PKP2: variants seen among roughly 807,000 people sequenced by gnomAD.
PKP2 encodes plakophilin-2.
Under a neutral mutation model 83.4 loss-of-function variants are expected in PKP2, and 73 were observed. The ratio of observed to expected loss-of-function variants is 0.88; its 90% CI spans 0.72 to 1.06. The LOEUF (loss-of-function observed/expected upper bound fraction) is 1.06. Ranked by LOEUF, PKP2 falls within the 50% of genes least tolerant of loss-of-function variation. The pLI is 0.00. For missense variants in PKP2, 966 were observed against 1,065.4 expected (o/e 0.91, Z 1.30); for synonymous variants, 409 against 430.4 (o/e 0.95, Z 0.62).
At chr12:32,810,406 G>A (rs1329547792) in intron 9 of PKP2, among the ~76,000 whole-genome samples, 2 of 151,832 alleles carry the variant, frequency 1.3e-5, no homozygotes, top group Admixed American at 6.6e-5. Context: ...TCACCATCTG[G>A]TGACTTCATT....
intron 1 of PKP2, among the ~76,000 whole-genome samples, chr12:32,889,209 T>G (rs7137345): frequency 0.61 from 92,239 of 151,928 alleles, 31,564 homozygotes; most frequent in East Asian, 0.84. Flanking sequence ...TGCCTGTGTG[T>G]GTTTGGTGGG....
At chr12:32,862,543 G>A (rs1481480433) in intron 4 of PKP2, among the ~76,000 whole-genome samples, 1 of 152,154 alleles carries the variant, frequency 6.6e-6, no homozygotes, top group Non-Finnish European at 1.5e-5. Flanking sequence ...TACTCGGGAG[G>A]CTGACGCAGG....
At position 32,792,477 on chromosome 12, in the gene PKP2, T is replaced by C. The variant is rs758045048; in HGVS notation, c.2461A>G (p.Thr821Ala). Residue 821 changes from threonine (T) to alanine (A), a missense_variant, in exon 13 of 13, where the codon ACA (threonine) becomes GCA (alanine). Coordinates refer to ENST00000340811, the MANE Select transcript of PKP2 (RefSeq NM_001005242.3). ...HAYKKAQFKK[T>A]DFVNSRTAKA... Reference sequence around the variant, plus strand: ...GCAGTCCGGCTGTTGACAAAATCTGTCTTCTTAAACTGAGCCTTTGGAATA... The same window carrying C: ...GCAGTCCGGCTGTTGACAAAATCTGCCTTCTTAAACTGAGCCTTTGGAATA... The C allele has an allele frequency of 6.2e-7, 1 of 1,613,884 alleles. No individual in the cohort carries two copies. The highest frequency in any genetic ancestry group is 1.7e-5 in the Admixed American group (1 of 60,026).
At chr12:32,824,633 C>G (rs1321380968) in intron 6 of PKP2, among the ~76,000 whole-genome samples, 1 of 152,138 alleles carries the variant, frequency 6.6e-6, no homozygotes, top group African/African-American at 2.4e-5. Context: ...TTGTGGTTTT[C>G]TAAATTTCAG....
At chr12:32,884,869 C>T (rs1035404733) in intron 1 of PKP2, among the ~76,000 whole-genome samples, 7 of 151,278 alleles carry the variant, frequency 4.6e-5, no homozygotes, top group African/African-American at 7.3e-5. Context: ...CTGAGGAGCA[C>T]GATGATATTA....
At position 32,824,141 on chromosome 12, in the gene PKP2, AG is replaced by A. The variant is rs397517005; in HGVS notation, c.1577del (p.Ala526ValfsTer7). On this transcript the variant is annotated frameshift_variant, in exon 7 of 13. Coordinates refer to ENST00000340811, the MANE Select transcript of PKP2 (RefSeq NM_001005242.3). LOFTEE classifies it high-confidence loss of function. Reference protein sequence around the residue: ...GCLRNMSSAGADGRKAMRRCD... With the variant: ...GCLRNMSSAGXDGRKAMRRCD... ...ATCTTCTCATCGCTTTTCTCCCATC[AG>A]CGCCAGCAGAACTCATGTTTCTATC... The A allele has an allele frequency of 1.2e-6, 2 of 1,612,398 alleles. No homozygotes were observed. Among genetic ancestry groups the A allele is most frequent in the Non-Finnish European group, 1.7e-6 (2 of 1,178,838 alleles).
chr12:32,849,085 G>A (rs1956674663), intron 5 of PKP2, among the ~76,000 whole-genome samples: 1 of 150,854 alleles, frequency 6.6e-6, no homozygotes, highest in Admixed American at 6.6e-5. Flanking sequence ...TTGAGATATA[G>A]CACCTGATAA....
At chr12:32,883,580 AT>A (rs1363033156) in intron 1 of PKP2, among the ~76,000 whole-genome samples, 1 of 152,222 alleles carries the variant, frequency 6.6e-6, no homozygotes, top group East Asian at 1.9e-4. Context: ...CTTTAAACAA[AT>A]CCAACATGAA....
chr12:32,846,167 ATG>A (rs1404902449), intron 5 of PKP2, among the ~76,000 whole-genome samples: 5 of 152,162 alleles, frequency 3.3e-5, no homozygotes, highest in Non-Finnish European at 7.3e-5. Flanking sequence ...CACTCTTATC[ATG>A]ACTTGTCCGT....
chr12:32,831,583 G>C (rs900387572), intron 6 of PKP2, among the ~76,000 whole-genome samples: 1 of 151,852 alleles, frequency 6.6e-6, no homozygotes, highest in Non-Finnish European at 1.5e-5. Flanking sequence ...TTGATATAAT[G>C]AGTAAAAATT....
At chr12:32,801,877 TGCCAAA>T (rs1956182647) in intron 10 of PKP2, among the ~76,000 whole-genome samples, 1 of 152,166 alleles carries the variant, frequency 6.6e-6, no homozygotes, top group Non-Finnish European at 1.5e-5. Flanking sequence ...AAAAAATCCA[TGCCAAA>T]TTTGCTATAT....
intron 9 of PKP2, among the ~76,000 whole-genome samples, chr12:32,813,459 G>A (rs1033068453): frequency 1.3e-5 from 2 of 152,070 alleles, no homozygotes; most frequent in Admixed American, 6.6e-5. Context: ...TTATAATTTA[G>A]TCAGTATCTT....
rs532639658 is a variant in PKP2 at position 32,792,028 on chromosome 12, CAT to C, written c.*394_*395del. The C allele has an allele frequency of 1.2e-5, 4 of 327,180 alleles. No homozygotes were observed. Among genetic ancestry groups the C allele is most frequent in the South Asian group, 5.4e-5 (2 of 37,378 alleles). The allele number at this position is 327,180 out of a possible 1,614,324, so 20.3% of individuals were successfully genotyped here. ...AGGCCCAATGGCGAAGCAATGTGCA[CAT>C]GAGTGACAAAACATGGGAACCAGAA... is the stretch of plus-strand genomic sequence containing the variant. On this transcript the variant is annotated 3_prime_UTR_variant, in exon 13 of 13. Transcript: ENST00000340811.
chr12:32,814,169 C>T (rs940490543), intron 9 of PKP2, among the ~76,000 whole-genome samples: 1 of 152,124 alleles, frequency 6.6e-6, no homozygotes, highest in Non-Finnish European at 1.5e-5. Context: ...GAGTCACCAC[C>T]GTCCAGCTCT....
intron 5 of PKP2, among the ~76,000 whole-genome samples, chr12:32,848,813 A>G (rs1956670974): frequency 6.6e-6 from 1 of 152,170 alleles, no homozygotes; most frequent in South Asian, 2.1e-4. Flanking sequence ...GAATTTTTTA[A>G]AATGTGATAT....
In PKP2 at chr12:32,826,845, G is replaced by A. The variant is rs532240833; in HGVS notation, c.1557-2683C>T. Among the ~76,000 whole-genome samples, 33 of 152,238 alleles carry A rather than the reference G, an allele frequency of 2.2e-4. No homozygotes were observed. In the South Asian group the frequency reaches 5.2e-3, roughly 24 times the overall value. On this transcript the variant is annotated intron_variant, in intron 6 of 12. Transcript: ENST00000340811. The stretch of plus-strand genomic sequence containing the variant: ...GAAAAACTAGAAGCCAAAAGTTTCC[G>A]TTACTTTTCCTGGTGACAGCAAATT...
chr12:32,820,420 A>T (rs1410369221), intron 9 of PKP2: 1 of 152,188 alleles, frequency 6.6e-6, no homozygotes, highest in Non-Finnish European at 1.5e-5. Context: ...TATAAAATAC[A>T]TGGGGAAGGG....
intron 9 of PKP2, among the ~76,000 whole-genome samples, chr12:32,819,937 G>C (rs1956361447): frequency 1.3e-5 from 2 of 149,550 alleles, no homozygotes; most frequent in South Asian, 4.2e-4. Flanking sequence ...ATTAAAAAGA[G>C]GGCTTCTATA....
intron 1 of PKP2, among the ~76,000 whole-genome samples, chr12:32,884,223 G>A (rs1342418010): frequency 1.3e-5 from 2 of 152,208 alleles, no homozygotes; most frequent in African/African-American, 4.8e-5. Context: ...GGAGGTCCAA[G>A]TGGGCAGATC....
Sources: allele counts gnomAD v4.1 joint callset (sites outside exome capture counted in the v4.1 genomes callset), GRCh38; gene constraint gnomAD v4.1.1; transcripts MANE v1.5; gene names NCBI Gene and HGNC (gene_info 2026-07-23, HGNC 2026-07-21).